The following POFUT3 variants were observed in gnomAD, a reference collection of about 807,000 sequenced individuals.
The protein encoded by POFUT3 is GDP-fucose protein O-fucosyltransferase 3.
chr8:33,336,717 T>C, the POFUT3 span, among the ~76,000 whole-genome samples: 3 of 152,196 alleles, frequency 2.0e-5, no homozygotes, highest in African/African-American at 7.2e-5. Context: ...GGAATTGCAG[T>C]GGAATATAGA....
At chr8:33,311,620 C>T in the POFUT3 span, among the ~76,000 whole-genome samples, 8 of 152,052 alleles carry the variant, frequency 5.3e-5, no homozygotes. Context: ...TTTTACTTCC[C>T]CTGCAAGGTT....
the POFUT3 span, among the ~76,000 whole-genome samples, chr8:33,467,272 CAAAAAAAAAA>C: frequency 4.1e-5 from 3 of 73,452 alleles, no homozygotes; most frequent in South Asian, 6.6e-4. Flanking sequence ...GACTCTGTCT[CAAAAAAAAAA>C]AAAAAAAAAA....
At chr8:33,455,689 G>C in the POFUT3 span, 1 of 400,922 alleles carries the variant, frequency 2.5e-6, no homozygotes, top group Non-Finnish European at 5.0e-6. Context: ...ATTTCTATGT[G>C]TTAACTGCTC....
chr8:33,368,943 C>CCTA, the POFUT3 span, among the ~76,000 whole-genome samples: 1 of 152,234 alleles, frequency 6.6e-6, no homozygotes, highest in African/African-American at 2.4e-5. Flanking sequence ...ATCAAAAAGC[C>CCTA]CTACTCAAAA....
the POFUT3 span, among the ~76,000 whole-genome samples, chr8:33,365,143 A>C: frequency 6.6e-6 from 1 of 152,252 alleles, no homozygotes; most frequent in Non-Finnish European, 1.5e-5. Context: ...AACCTGACAA[A>C]AACAAGAAAT....
chr8:33,393,479 T>C, the POFUT3 span, among the ~76,000 whole-genome samples: 1 of 152,228 alleles, frequency 6.6e-6, no homozygotes, highest in Non-Finnish European at 1.5e-5. Context: ...TTGCTGACTA[T>C]GGAGACTAGA....
At chr8:33,366,879 T>C in the POFUT3 span, among the ~76,000 whole-genome samples, 1 of 152,180 alleles carries the variant, frequency 6.6e-6, no homozygotes, top group South Asian at 2.1e-4. Context: ...ACAAGCACTG[T>C]GAGACTCCTG....
chr8:33,360,845 G>A, the POFUT3 span: 3 of 152,194 alleles, frequency 2.0e-5, no homozygotes, highest in Non-Finnish European at 4.4e-5. Flanking sequence ...CAAATGGGGA[G>A]GGGGTGCCCC....
chr8:33,457,278 T>A, the POFUT3 span, among the ~76,000 whole-genome samples: 2 of 152,034 alleles, frequency 1.3e-5, no homozygotes, highest in Non-Finnish European at 2.9e-5. Flanking sequence ...TGAAACCTCA[T>A]CTCTTCTAAA....
the POFUT3 span, among the ~76,000 whole-genome samples, chr8:33,349,774 C>T: frequency 1.3e-5 from 2 of 152,116 alleles, no homozygotes. Flanking sequence ...CATATAATGA[C>T]GTCTTTTCCT....
At chr8:33,418,602 T>C in the POFUT3 span, among the ~76,000 whole-genome samples, 23 of 152,040 alleles carry the variant, frequency 1.5e-4, no homozygotes, top group Admixed American at 1.4e-3. Context: ...CAAGCCCAGC[T>C]GAAAAGGGAA....
At chr8:33,338,532 C>T in the POFUT3 span, among the ~76,000 whole-genome samples, 1 of 152,246 alleles carries the variant, frequency 6.6e-6, no homozygotes, top group South Asian at 2.1e-4. Context: ...TGTGGACTTC[C>T]ACTTCTATAG....
chr8:33,426,069 A>G, the POFUT3 span, among the ~76,000 whole-genome samples: 2 of 151,576 alleles, frequency 1.3e-5, no homozygotes, highest in Non-Finnish European at 2.9e-5. Context: ...ATGCCCAGCT[A>G]ATTTTTTGTA....
At chr8:33,397,893 A>G in the POFUT3 span, among the ~76,000 whole-genome samples, 1 of 152,218 alleles carries the variant, frequency 6.6e-6, no homozygotes, top group African/African-American at 2.4e-5. Flanking sequence ...GACAGAAGAC[A>G]TTACTAACTC....
the POFUT3 span, among the ~76,000 whole-genome samples, chr8:33,446,103 A>T: frequency 1.3e-5 from 2 of 152,118 alleles, no homozygotes; most frequent in African/African-American, 4.8e-5. Flanking sequence ...AAGGGTATAG[A>T]GCAGAAAGAC....
the POFUT3 span, among the ~76,000 whole-genome samples, chr8:33,351,147 G>T: frequency 6.6e-6 from 1 of 152,030 alleles, no homozygotes; most frequent in Non-Finnish European, 1.5e-5. Context: ...TAGAGACAGG[G>T]TTTCACCATG....
the POFUT3 span, among the ~76,000 whole-genome samples, chr8:33,374,952 C>A: frequency 2.6e-5 from 4 of 151,366 alleles, no homozygotes; most frequent in Non-Finnish European, 5.9e-5. Flanking sequence ...CAGCTCACTG[C>A]AACCTGCAAC....
At chr8:33,471,027 T>A in the POFUT3 span, among the ~76,000 whole-genome samples, 1 of 152,192 alleles carries the variant, frequency 6.6e-6, no homozygotes, top group African/African-American at 2.4e-5. Flanking sequence ...TAATTCTGTA[T>A]AATCTTTTGA....
At chr8:33,310,259 A>G in the POFUT3 span, among the ~76,000 whole-genome samples, 1 of 129,682 alleles carries the variant, frequency 7.7e-6, no homozygotes, top group African/African-American at 3.3e-5. Flanking sequence ...AATTACTACC[A>G]AAAAAAAGAA....
Sources: gnomAD v4.1 joint callset for allele counts (sites outside exome capture counted in the v4.1 genomes callset) on GRCh38, gnomAD v4.1.1 for gene constraint, MANE v1.5 for transcripts, NCBI Gene and HGNC (gene_info 2026-07-23, HGNC 2026-07-21) for gene names.